CTNND2: variants seen among roughly 807,000 people sequenced by gnomAD.
CTNND2 encodes the protein catenin delta-2.
CTNND2 carries 22 observed loss-of-function variants against 144.4 expected under a neutral mutation model. The observed-to-expected ratio is 0.15, with a 90% CI of 0.11 to 0.22. The LOEUF (loss-of-function observed/expected upper bound fraction) is 0.22. Ranked by LOEUF, CTNND2 falls within the 10% of genes least tolerant of loss-of-function variation. CTNND2 has a pLI of 1.00. For missense variants in CTNND2, 1,353 were observed against 1,618.8 expected (o/e 0.84, Z 2.82); for synonymous variants, 751 against 695.6 (o/e 1.08, Z -1.25).
chr5:11,629,336 A>G (rs1286074210), intron 2 of CTNND2, among the ~76,000 whole-genome samples: 2 of 152,156 alleles, frequency 1.3e-5, no homozygotes, highest in Non-Finnish European at 2.9e-5. Context: ...GATACACAGG[A>G]GGTAGAACAG....
At chr5:11,868,361 T>A (rs577891126) in intron 1 of CTNND2, among the ~76,000 whole-genome samples, 1 of 152,242 alleles carries the variant, frequency 6.6e-6, no homozygotes, top group Non-Finnish European at 1.5e-5. Flanking sequence ...TTGAACATCA[T>A]CTTACCTTCA....
intron 11 of CTNND2, among the ~76,000 whole-genome samples, chr5:11,174,891 A>T (rs1310436386): frequency 6.6e-6 from 1 of 152,224 alleles, no homozygotes; most frequent in Non-Finnish European, 1.5e-5. Flanking sequence ...TTTAAATGCT[A>T]TGTGACATTC....
chr5:11,320,910 G>A (rs1281409103), intron 9 of CTNND2, among the ~76,000 whole-genome samples: 1 of 152,146 alleles, frequency 6.6e-6, no homozygotes, highest in Non-Finnish European at 1.5e-5. Context: ...CAATTCCTAC[G>A]ATTAAAGAAA....
intron 9 of CTNND2, among the ~76,000 whole-genome samples, chr5:11,244,280 A>ATTTTTTTTTTTTTTTTTTTTTTTT (rs11322159): frequency 1.9e-5 from 2 of 104,102 alleles, no homozygotes; most frequent in African/African-American, 4.0e-5. Context: ...GTCCTATACA[A>ATTTTTTTTTTTTTTTTTTTTTTTT]TTTTTTTTTT....
At chr5:11,520,090 T>C (rs530366409) in intron 3 of CTNND2, among the ~76,000 whole-genome samples, 4 of 143,328 alleles carry the variant, frequency 2.8e-5, no homozygotes, top group South Asian at 4.4e-4. Context: ...GAGGTTGCAA[T>C]GAGCCGAGAT....
intron 2 of CTNND2, among the ~76,000 whole-genome samples, chr5:11,584,490 T>C (rs924315367): frequency 7.2e-6 from 1 of 139,236 alleles, no homozygotes; most frequent in African/African-American, 2.8e-5. Context: ...TTTTTATTCC[T>C]AGAGGAAGAA....
At position 11,564,881 on chromosome 5, in the gene CTNND2, A is replaced by T. The variant is rs1776951995; in HGVS notation, c.287+63T>A. On this transcript the variant is annotated intron_variant, in intron 3 of 21. Coordinates refer to ENST00000304623, the MANE Select transcript of CTNND2 (RefSeq NM_001332.4). ...CACCACCGGGTTGGAAAGAAGAGAA[A>T]CATCACGATTTACTTGCAGGGGCAA... 1.7e-5 allele frequency: 19 copies of T among 1,113,596 alleles called. No homozygotes were observed. In the South Asian group the frequency reaches 2.6e-4, roughly 15 times the overall value. The allele number at this position is 1,113,596 out of a possible 1,614,324, so 69.0% of individuals were successfully genotyped here.
chr5:11,586,615 A>G (rs767436870), intron 2 of CTNND2, among the ~76,000 whole-genome samples: 2 of 152,240 alleles, frequency 1.3e-5, no homozygotes, highest in African/African-American at 2.4e-5. Flanking sequence ...TTATCATCAC[A>G]TAAGAGTTGA....
intron 3 of CTNND2, among the ~76,000 whole-genome samples, chr5:11,443,236 ATG>A (rs142482923): frequency 0.31 from 24,392 of 79,042 alleles, 2,847 homozygotes; most frequent in Non-Finnish European, 0.4. Flanking sequence ...TGTGTGTGTG[ATG>A]TGTGTGTGTG....
At chr5:11,732,992 C>T (rs61763017) in intron 1 of CTNND2, among the ~76,000 whole-genome samples, 1 of 152,028 alleles carries the variant, frequency 6.6e-6, no homozygotes, top group Non-Finnish European at 1.5e-5. Flanking sequence ...AGCTAACCAC[C>T]TGGAGGTTCC....
At chr5:11,702,628 C>T (rs1354798163) in intron 2 of CTNND2, among the ~76,000 whole-genome samples, 1 of 152,174 alleles carries the variant, frequency 6.6e-6, no homozygotes, top group Admixed American at 6.5e-5. Context: ...AGCCACTCTC[C>T]AGCACAAGGA....
chr5:11,758,135 T>G (rs887426044), intron 1 of CTNND2, among the ~76,000 whole-genome samples: 6 of 152,096 alleles, frequency 3.9e-5, no homozygotes, highest in African/African-American at 1.4e-4. Flanking sequence ...TCCTTCAGCT[T>G]TGTCACTTAG....
intron 3 of CTNND2, among the ~76,000 whole-genome samples, chr5:11,478,314 G>C (rs560084314): frequency 1.3e-5 from 2 of 152,296 alleles, no homozygotes; most frequent in South Asian, 4.1e-4. Flanking sequence ...TTCCAAAGCA[G>C]TTTTTGTAAT....
rs574726427 is a variant in CTNND2, at chr5:11,477,382, T to C, written c.288-65313A>G. Reference sequence around the variant, plus strand: ...AATGTTTATGAATACACATCACCTATTTTTTTTTTTTGGTGGTGTTGTTTT... The same window carrying C: ...AATGTTTATGAATACACATCACCTACTTTTTTTTTTTGGTGGTGTTGTTTT... On this transcript the variant is annotated intron_variant, in intron 3 of 21. Coordinates refer to ENST00000304623, the MANE Select transcript of CTNND2 (RefSeq NM_001332.4). Among the ~76,000 whole-genome samples the C allele has an allele frequency of 1.1e-4, 3 of 26,912 alleles. No homozygotes were observed. In the South Asian group the frequency reaches 3.0e-3, roughly 27 times the overall value. 17.7% of individuals were successfully genotyped at this position (26,912 alleles called of 152,430 possible).
chr5:11,707,207 G>GT (rs538279659), intron 2 of CTNND2, among the ~76,000 whole-genome samples: 7 of 151,768 alleles, frequency 4.6e-5, no homozygotes, highest in South Asian at 4.2e-4. Flanking sequence ...TCAGTAATTA[G>GT]TTTTTTTTGT....
intron 2 of CTNND2, among the ~76,000 whole-genome samples, chr5:11,717,574 GA>G (rs34808379): frequency 0.081 from 9,539 of 118,222 alleles, 347 homozygotes; most frequent in South Asian, 0.092. Flanking sequence ...AAGAGACTGT[GA>G]AAAAAAAAAA....
chr5:11,831,682 A>AG (rs1793911992), intron 1 of CTNND2, among the ~76,000 whole-genome samples: 1 of 151,388 alleles, frequency 6.6e-6, no homozygotes, highest in East Asian at 1.9e-4. Context: ...AAAAAAAAAA[A>AG]GAGTTCAGAA....
rs542735222 is a variant in CTNND2, at chr5:11,705,200, T to C, written c.174+26936A>G. Among the ~76,000 whole-genome samples the C allele has an allele frequency of 2.0e-5, 3 of 152,306 alleles. No homozygotes were observed. In the South Asian group the frequency reaches 6.2e-4, roughly 32 times the overall value. On this transcript the variant is annotated intron_variant, in intron 2 of 21. Coordinates refer to ENST00000304623, the MANE Select transcript of CTNND2 (RefSeq NM_001332.4). ...ATACCACACTGACCTTCTGCCAGGA[T>C]GATCAGCTTCTCTGCCCAAAGATGT...
intron 1 of CTNND2, among the ~76,000 whole-genome samples, chr5:11,874,707 TG>T (rs1355619193): frequency 6.6e-6 from 1 of 152,208 alleles, no homozygotes; most frequent in Admixed American, 6.5e-5. Context: ...TTAAAACTTA[TG>T]AATTGCTTAT....
Sources: gnomAD v4.1 joint callset for allele counts (sites outside exome capture counted in the v4.1 genomes callset) on GRCh38, gnomAD v4.1.1 for gene constraint, MANE v1.5 for transcripts, NCBI Gene and HGNC (gene_info 2026-07-23, HGNC 2026-07-21) for gene names.